Variants in DGCR2 observed in about 807,000 individuals in gnomAD.
DGCR2 encodes the protein integral membrane protein DGCR2/IDD.
In DGCR2, 24 loss-of-function variants were observed where a neutral mutation model predicts 51.6. The ratio of observed to expected loss-of-function variants is 0.47; its 90% CI spans 0.34 to 0.65. The LOEUF (loss-of-function observed/expected upper bound fraction) is 0.65. Ranked by LOEUF, DGCR2 falls within the 30% of genes least tolerant of loss-of-function variation. The pLI, the probability that DGCR2 is intolerant of heterozygous loss-of-function variation, is 0.01. For synonymous variants in DGCR2, 340 were observed against 315.4 expected, an observed-to-expected ratio of 1.08 and a Z score of -0.82; for missense variants, 765 against 772.1, an observed-to-expected ratio of 0.99 and a Z score of 0.11.
chr22:19,061,577 G>A (rs2082663713), intron 5 of DGCR2: 1 of 152,218 alleles, frequency 6.6e-6, no homozygotes, highest in South Asian at 2.1e-4. Context: ...AAGGGTTCTT[G>A]TGCCACATTT....
chr22:19,090,346 C>A (rs926978980), intron 1 of DGCR2, among the ~76,000 whole-genome samples: 6 of 152,032 alleles, frequency 3.9e-5, no homozygotes, highest in Non-Finnish European at 8.8e-5. Context: ...ACCACAAGCA[C>A]CAGAAATACA....
chr22:19,044,925 A>C (rs2082472601), intron 7 of DGCR2, among the ~76,000 whole-genome samples: 1 of 151,862 alleles, frequency 6.6e-6, no homozygotes, highest in Non-Finnish European at 1.5e-5. Context: ...TCAGGGGCTT[A>C]TTTTTTCATT....
intron 5 of DGCR2, chr22:19,060,823 C>T (rs769617440): frequency 7.9e-6 from 4 of 506,160 alleles, no homozygotes; most frequent in South Asian, 4.3e-5. Context: ...CCTGGGGGAG[C>T]GCCTGGAGAG....
chr22:19,056,500 C>T lies in DGCR2; in HGVS notation c.802+486G>A, dbSNP rs906515369. 3 of 515,364 alleles carry T rather than the reference C, an allele frequency of 5.8e-6. No homozygotes were observed. In the African/African-American group the frequency reaches 6.3e-5, roughly 11 times the overall value. The allele number at this position is 515,364 out of a possible 1,614,324, so 31.9% of individuals were successfully genotyped here. A position where few individuals can be genotyped will look rare whatever the true frequency, so the allele number is the denominator to read the frequency against. On this transcript the variant is annotated intron_variant, in intron 6 of 9. Transcript: ENST00000263196. ...TGAAGAGGAAGGGGACCTGCCCCAC[C>T]AAGAGCTCCTGAGACCCCTGTCCCC... is the stretch of plus-strand genomic sequence containing the variant.
chr22:19,091,328 C>CA (rs2083075730), intron 1 of DGCR2, among the ~76,000 whole-genome samples: 1 of 152,172 alleles, frequency 6.6e-6, no homozygotes, highest in Non-Finnish European at 1.5e-5. Flanking sequence ...TACTGCACTA[C>CA]AGCCTGGGCA....
intron 1 of DGCR2, 34 bp from the exon 2 acceptor site, chr22:19,089,524 A>C (rs370966069): frequency 2.0e-6 from 3 of 1,504,570 alleles, no homozygotes; most frequent in Non-Finnish European, 1.8e-6. Flanking sequence ...CCATTGAGGA[A>C]GTGGCAGTAG....
At chr22:19,056,494 C>A in intron 6 of DGCR2, 2 of 526,022 alleles carry the variant, frequency 3.8e-6, no homozygotes, top group Non-Finnish European at 3.5e-6. Context: ...AGGGGACCTG[C>A]CCCACCAAGA....
At chr22:19,041,509 G>T in intron 8 of DGCR2, 1 of 609,348 alleles carries the variant, frequency 1.6e-6, no homozygotes, top group Admixed American at 3.0e-5. Context: ...CTGTCCCTCT[G>T]GGCTGACACT....
chr22:19,116,749 T>C (rs761495263), intron 1 of DGCR2, among the ~76,000 whole-genome samples: 2 of 152,106 alleles, frequency 1.3e-5, no homozygotes, highest in Non-Finnish European at 2.9e-5. Context: ...AATCGGGTCG[T>C]CCTTATGCCA....
chr22:19,038,197 GAC>G lies in DGCR2; in HGVS notation c.*666_*667del, dbSNP rs1455107309. ...CTGGGCTGCAGAGCCCAGATGGAAA[GAC>G]ACAGTGAAGAGCTCAACCTCCTTCC... On this transcript the variant is annotated 3_prime_UTR_variant, in exon 10 of 10. Coordinates refer to ENST00000263196, the MANE Select transcript of DGCR2 (RefSeq NM_005137.3). 1 of 152,642 alleles carries G rather than the reference GAC, an allele frequency of 6.6e-6. No individual in the cohort carries two copies. Among genetic ancestry groups the G allele is most frequent in the Non-Finnish European group, 1.5e-5 (1 of 68,340 alleles). The allele number at this position is 152,642 out of a possible 1,614,324, so 9.5% of individuals were successfully genotyped here.
At chr22:19,039,407 G>A (rs2082407423) in intron 9 of DGCR2, among the ~76,000 whole-genome samples, 1 of 152,226 alleles carries the variant, frequency 6.6e-6, no homozygotes, top group Non-Finnish European at 1.5e-5. Flanking sequence ...CCATCGGTGT[G>A]AGGTAGGGGA....
Position 19,038,987 on chromosome 22 carries a change from C to G in DGCR2, c.1531G>C (p.Ala511Pro). ...ACGAGCAGGGCGCTGCTGCTGTCGG[C>G]AGAGTCTTCCAGGTCTGCCAGAGAG... ...GASLADLEDSADSSSALLVPP... is the reference protein window; with the variant it reads ...GASLADLEDSPDSSSALLVPP... Residue 511 changes from alanine (A) to proline (P), a missense_variant, in exon 10 of 10, where the codon GCC becomes CCC. Transcript: ENST00000263196. 1 of 1,611,768 alleles carries G rather than the reference C, an allele frequency of 6.2e-7. No individual in the cohort carries two copies. Among genetic ancestry groups the G allele is most frequent in the Non-Finnish European group, 8.5e-7 (1 of 1,179,314 alleles).
At position 19,057,304 on chromosome 22, in the gene DGCR2, T is replaced by G. The variant is rs1601523531; in HGVS notation, c.626-142A>C. On this transcript the variant is annotated intron_variant, in intron 5 of 9. Coordinates refer to ENST00000263196, the MANE Select transcript of DGCR2 (RefSeq NM_005137.3). The surrounding 1 kb of genome is among the most constrained non-coding windows in gnomAD (Gnocchi z 5.1). ...AGTACTGGTGGTCACTGTGGCCAGG[T>G]GTTCACTCGGGACTCCCCAACCTCC... The G allele has an allele frequency of 1.0e-6, 1 of 982,962 alleles. No homozygotes were observed. Among genetic ancestry groups the G allele is most frequent in the African/African-American group, 1.6e-5 (1 of 60,802 alleles). 60.9% of individuals were successfully genotyped at this position (982,962 alleles called of 1,614,324 possible).
chr22:19,044,169 T>C (rs2082462929), intron 7 of DGCR2, among the ~76,000 whole-genome samples: 1 of 152,034 alleles, frequency 6.6e-6, no homozygotes, highest in South Asian at 2.1e-4. Flanking sequence ...GGACCGGAAA[T>C]AATCATCTCT....
chr22:19,049,616 C>A (rs1467126652), intron 6 of DGCR2, among the ~76,000 whole-genome samples: 1 of 152,176 alleles, frequency 6.6e-6, no homozygotes, highest in East Asian at 1.9e-4. Context: ...TGCCTGAGGT[C>A]AGGAGTTCAA....
rs1378977106 is a variant in DGCR2, at chr22:19,038,228, C to T, written c.*637G>A. 6.5e-6 allele frequency: 1 copy of T among 153,048 alleles called. No individual in the cohort carries two copies. The highest frequency in any genetic ancestry group is 1.5e-5 in the Non-Finnish European group (1 of 68,604). 9.5% of individuals were successfully genotyped at this position (153,048 alleles called of 1,614,324 possible). On this transcript the variant is annotated 3_prime_UTR_variant, in exon 10 of 10. Transcript: ENST00000263196. Reference sequence around the variant, plus strand: ...GTGAAGAGCTCAACCTCCTTCCAAGCTCTCCTTCTCAGGGCTTCAGGTTCC... The same window carrying T: ...GTGAAGAGCTCAACCTCCTTCCAAGTTCTCCTTCTCAGGGCTTCAGGTTCC...
At chr22:19,103,601 T>C (rs185019703) in intron 1 of DGCR2, among the ~76,000 whole-genome samples, 110 of 150,472 alleles carry the variant, frequency 7.3e-4, no homozygotes, top group Non-Finnish European at 1.1e-3. Context: ...GCTAATTTTT[T>C]GTATTTTTAG....
chr22:19,065,161 A>G, intron 3 of DGCR2, 94 bp from the exon 4 acceptor site: 1 of 1,096,978 alleles, frequency 9.1e-7, no homozygotes, highest in Non-Finnish European at 1.3e-6. Flanking sequence ...CACCTTGTAA[A>G]TCACCCTAGA....
chr22:19,047,470 G>A (rs760954089), intron 7 of DGCR2: 3 of 152,224 alleles, frequency 2.0e-5, no homozygotes, highest in Non-Finnish European at 4.4e-5. Context: ...CACAAGTCCA[G>A]GGGCTTCCAA....
Sources: allele counts gnomAD v4.1 joint callset (sites outside exome capture counted in the v4.1 genomes callset), GRCh38; gene constraint gnomAD v4.1.1; non-coding constraint Gnocchi (gnomAD v3.1); transcripts MANE v1.5; gene names NCBI Gene and HGNC (gene_info 2026-07-23, HGNC 2026-07-21).